Variants in CXCL12 observed in about 807,000 individuals in gnomAD.
CXCL12 encodes stromal cell-derived factor 1.
CXCL12 carries 4 observed loss-of-function variants against 10.7 expected under a neutral mutation model. The ratio of observed to expected loss-of-function variants is 0.37; its 90% CI spans 0.18 to 0.86. CXCL12 has a LOEUF of 0.86. Among genes scored for constraint, CXCL12 ranks in the 40% least tolerant of loss-of-function variants. CXCL12 has a pLI of 0.43. For missense variants in CXCL12, 122 were observed against 110.4 expected (o/e 1.10, Z -0.47); for synonymous variants, 54 against 45.4 (o/e 1.19, Z -0.77).
chr10:44,375,856 G>A (rs534449174), downstream of CXCL12: 4 of 1,588,660 alleles, frequency 2.5e-6, no homozygotes, highest in African/African-American at 4.1e-5. Context: ...GTCTGCATGG[G>A]GGTCTGTCCT....
chr10:44,378,046 G>C lies in CXCL12; in HGVS notation c.*587C>G. The C allele has an allele frequency of 2.0e-6, 3 of 1,480,256 alleles. No homozygotes were observed. Among genetic ancestry groups the C allele is most frequent in the Non-Finnish European group, 2.7e-6 (3 of 1,126,006 alleles). 91.7% of individuals were successfully genotyped at this position (1,480,256 alleles called of 1,614,324 possible). Reference sequence around the variant, plus strand: ...GGAGCCCACAGAGCCAATCACTGAGGTTGAAAGAGGAGGTGAAGGCAGTGG... The same window carrying C: ...GGAGCCCACAGAGCCAATCACTGAGCTTGAAAGAGGAGGTGAAGGCAGTGG... On this transcript the variant is annotated 3_prime_UTR_variant, in exon 3 of 3. Transcript: ENST00000343575.
downstream of CXCL12, among the ~76,000 whole-genome samples, chr10:44,375,200 G>A (rs561397817): frequency 1.6e-4 from 24 of 152,328 alleles, no homozygotes; most frequent in Non-Finnish European, 3.1e-4. Flanking sequence ...GCCCAAAGAG[G>A]AGCTCCCTGA....
chr10:44,372,675 G>A, downstream of CXCL12: 1 of 1,410,446 alleles, frequency 7.1e-7, no homozygotes. Context: ...GATGATGGAT[G>A]AGACAGAGAA....
rs1839488112 is a variant in CXCL12, at chr10:44,377,431, A to T, written c.*1202T>A. On this transcript the variant is annotated 3_prime_UTR_variant, in exon 3 of 3. Coordinates refer to ENST00000343575, the MANE Select transcript of CXCL12 (RefSeq NM_199168.4). Reference sequence around the variant, plus strand: ...TGTGCACAAAAATATATATAAAAAAATGCCTTGCAAAAAGTTACAAATACC... The same window carrying T: ...TGTGCACAAAAATATATATAAAAAATTGCCTTGCAAAAAGTTACAAATACC... The T allele has an allele frequency of 1.8e-6, 2 of 1,134,192 alleles. No individual in the cohort carries two copies. Among genetic ancestry groups the T allele is most frequent in the Non-Finnish European group, 2.2e-6 (2 of 924,634 alleles). 70.3% of individuals were successfully genotyped at this position (1,134,192 alleles called of 1,614,324 possible). A position where few individuals can be genotyped will look rare whatever the true frequency, so the allele number is the denominator to read the frequency against.
chr10:44,378,647 C>T lies in CXCL12; in HGVS notation c.256G>A (p.Ala86Thr), dbSNP rs151112059. 1.4e-4 allele frequency: 223 copies of T among 1,614,190 alleles called. 2 individuals carry two copies. The African/African-American group carries it at 2.6e-3, about 19-fold the overall frequency. ...GGCTGTTGTGCTTACTTGTTTAAAG[C>T]TTTCTCCAGGTACTCCTGAATCCAC... ...LKWIQEYLEK[A>T]LNK The change falls in exon 3 of 3, where the codon GCT (alanine) becomes ACT (threonine). Residue 86 changes from alanine to threonine, a missense_variant. Transcript: ENST00000343575.
At chr10:44,380,421 A>C in intron 2 of CXCL12, 1 of 231,106 alleles carries the variant, frequency 4.3e-6, no homozygotes, top group Non-Finnish European at 8.6e-6. Flanking sequence ...CACTGTTATT[A>C]GCTAAGGGCT....
At position 44,378,735 on chromosome 10, in the gene CXCL12, G is replaced by A. The variant is rs1290938788; in HGVS notation, c.180-12C>T. 6.2e-7 allele frequency: 1 copy of A among 1,614,020 alleles called. No individual in the cohort carries two copies. The highest frequency in any genetic ancestry group is 1.7e-5 in the Admixed American group (1 of 60,030). On this transcript the variant is annotated splice_polypyrimidine_tract_variant and intron_variant, in intron 2 of 2. Coordinates refer to ENST00000343575, the MANE Select transcript of CXCL12 (RefSeq NM_199168.4). ...TCTTCAGCCGGGCTCTGTGAAAACA[G>A]AATGGCAACAGTGTGCGGCTGCACA... is the stretch of plus-strand genomic sequence containing the variant.
At chr10:44,379,419 A>G (rs2839692) in intron 2 of CXCL12, among the ~76,000 whole-genome samples, 28,094 of 152,194 alleles carry the variant, frequency 0.18, 2,733 homozygotes, top group Non-Finnish European at 0.21. Flanking sequence ...CTCCTGGGGA[A>G]GGCCTGATTT....
downstream of CXCL12, among the ~76,000 whole-genome samples, chr10:44,375,033 G>A (rs1329469566): frequency 6.6e-6 from 1 of 152,222 alleles, no homozygotes; most frequent in Non-Finnish European, 1.5e-5. Flanking sequence ...CATGAATGAG[G>A]ACAGAGGCAG....
Position 44,384,961 on chromosome 10 carries a change from C to A in CXCL12, c.45G>T (p.Ala15=). ...VVVVLVLVLT[A]LCLSDGKPVS... ...CGCACTTACCGTCGCTGAGGCAGAGCGCGGTCAGCACGAGGACCAGCACGA... is the reference window on the plus strand; with the variant it reads ...CGCACTTACCGTCGCTGAGGCAGAGAGCGGTCAGCACGAGGACCAGCACGA... Residue 15 remains alanine (A), a synonymous_variant, in exon 1 of 3, where the codon GCG becomes GCT. Coordinates refer to ENST00000343575, the MANE Select transcript of CXCL12 (RefSeq NM_199168.4). 1 of 1,337,312 alleles carries A rather than the reference C, an allele frequency of 7.5e-7. No individual in the cohort carries two copies. Among genetic ancestry groups the A allele is most frequent in the Non-Finnish European group, 9.8e-7 (1 of 1,023,122 alleles). 82.8% of individuals were successfully genotyped at this position (1,337,312 alleles called of 1,614,324 possible). A position where few individuals can be genotyped will look rare whatever the true frequency, so the allele number is the denominator to read the frequency against.
downstream of CXCL12, chr10:44,373,225 C>G: frequency 6.4e-7 from 1 of 1,557,920 alleles, no homozygotes; most frequent in South Asian, 1.2e-5. Flanking sequence ...CTTGGCAATG[C>G]CTGGGGCCCT....
chr10:44,373,242 G>T (rs78895497), downstream of CXCL12: 5 of 1,565,808 alleles, frequency 3.2e-6, no homozygotes, highest in African/African-American at 6.8e-5. Context: ...CCCTGCCCTG[G>T]CAGGGGAGGC....
downstream of CXCL12, among the ~76,000 whole-genome samples, chr10:44,375,254 G>T (rs909180117): frequency 1.3e-5 from 2 of 152,176 alleles, no homozygotes; most frequent in African/African-American, 4.8e-5. Flanking sequence ...GCATTCCCTC[G>T]GGCTCACCCC....
chr10:44,376,148 G>A (rs1190669313), downstream of CXCL12: 4 of 1,072,386 alleles, frequency 3.7e-6, no homozygotes, highest in African/African-American at 6.4e-5. Context: ...TCAGTCTCAG[G>A]CCTGGAGGCC....
Position 44,377,961 on chromosome 10 carries a change from A to G in CXCL12, c.*672T>C. 6.6e-7 allele frequency: 1 copy of G among 1,523,626 alleles called. No homozygotes were observed. Among genetic ancestry groups the G allele is most frequent in the Non-Finnish European group, 8.7e-7 (1 of 1,144,566 alleles). The allele number at this position is 1,523,626 out of a possible 1,614,324, so 94.4% of individuals were successfully genotyped here. On this transcript the variant is annotated 3_prime_UTR_variant, in exon 3 of 3. Transcript: ENST00000343575. ...AGCATGCTCTCGGAGTCGGGGAGAG[A>G]GTAGGAATAGCTGGGAGAGGGGTCT...
downstream of CXCL12, among the ~76,000 whole-genome samples, chr10:44,375,253 C>T (rs984792739): frequency 2.0e-5 from 3 of 152,342 alleles, no homozygotes; most frequent in Non-Finnish European, 2.9e-5. Context: ...AGCATTCCCT[C>T]GGGCTCACCC....
chr10:44,385,025 G>T lies in CXCL12; in HGVS notation c.-20C>A. ...GTTCATGGCGCGGGCGGGCGGGCGG[G>T]CGGGCGGACGAGCGCGGGTCGGGGG... On this transcript the variant is annotated 5_prime_UTR_variant, in exon 1 of 3. Transcript: ENST00000343575. The T allele has an allele frequency of 4.3e-5, 18 of 418,580 alleles. No individual in the cohort carries two copies. The highest frequency in any genetic ancestry group is 7.2e-5 in the Non-Finnish European group (16 of 222,896). 25.9% of individuals were successfully genotyped at this position (418,580 alleles called of 1,614,324 possible). A position where few individuals can be genotyped will look rare whatever the true frequency, so the allele number is the denominator to read the frequency against.
chr10:44,383,796 G>A (rs945593025), intron 1 of CXCL12, among the ~76,000 whole-genome samples: 6 of 152,172 alleles, frequency 3.9e-5, no homozygotes, highest in Non-Finnish European at 7.3e-5. Flanking sequence ...GTCCAAGCCA[G>A]CTAGGACGCC....
In CXCL12 at chr10:44,378,178, C is replaced by T. The variant is rs1839515662; in HGVS notation, c.*455G>A. 7.1e-7 allele frequency: 1 copy of T among 1,410,686 alleles called. No homozygotes were observed. The highest frequency in any genetic ancestry group is 2.6e-5 in the Admixed American group (1 of 37,932). 87.4% of individuals were successfully genotyped at this position (1,410,686 alleles called of 1,614,324 possible). On this transcript the variant is annotated 3_prime_UTR_variant, in exon 3 of 3. Coordinates refer to ENST00000343575, the MANE Select transcript of CXCL12 (RefSeq NM_199168.4). The stretch of plus-strand genomic sequence containing the variant: ...TGAAGAAAGGACACTTTTTCCAGCT[C>T]CCTGTTAAGCCACCACCTGACTGTG...
Sources: allele counts gnomAD v4.1 joint callset (sites outside exome capture counted in the v4.1 genomes callset), GRCh38; gene constraint gnomAD v4.1.1; transcripts MANE v1.5; gene names NCBI Gene and HGNC (gene_info 2026-07-23, HGNC 2026-07-21).